Variants in MBOAT1 observed in about 807,000 individuals in gnomAD.
The protein encoded by MBOAT1 is membrane-bound glycerophospholipid O-acyltransferase 1.
A neutral mutation model predicts 64.4 loss-of-function variants in MBOAT1; 67 were observed. That is an observed-to-expected ratio of 1.04 (90% confidence interval 0.85 to 1.27). The LOEUF (loss-of-function observed/expected upper bound fraction) is 1.27. MBOAT1 is among the 50% of genes most tolerant of loss of function. MBOAT1 has a pLI of 0.00. For missense variants in MBOAT1, 563 were observed against 604.6 expected (o/e 0.93, Z 0.72); for synonymous variants, 229 against 218.9 (o/e 1.05, Z -0.41).
chr6:20,125,391 C>T (rs920746599), intron 7 of MBOAT1, among the ~76,000 whole-genome samples: 2 of 152,216 alleles, frequency 1.3e-5, no homozygotes, highest in Non-Finnish European at 2.9e-5. Flanking sequence ...GTGCTTAGCA[C>T]GCTCAGCCAC....
rs200376274 is a variant in MBOAT1, at chr6:20,157,739, TA to T, written c.100-4971del. Among the ~76,000 whole-genome samples the T allele has an allele frequency of 5.2e-3, 738 of 142,534 alleles. 2 individuals are homozygous for T. Among genetic ancestry groups the T allele is most frequent in the Non-Finnish European group, 6.7e-3 (438 of 64,898 alleles). 93.5% of individuals were successfully genotyped at this position (142,534 alleles called of 152,430 possible). On this transcript the variant is annotated intron_variant, in intron 1 of 12. Transcript: ENST00000324607. Reference sequence around the variant, plus strand: ...GGCATAAATGGAAGACGTTAAACTGTAAAAAAAAAAACTCATCTTAAAGAAA... The same window carrying T: ...GGCATAAATGGAAGACGTTAAACTGTAAAAAAAAAACTCATCTTAAAGAAA...
chr6:20,168,175 T>C (rs997251576), intron 1 of MBOAT1, among the ~76,000 whole-genome samples: 85 of 152,218 alleles, frequency 5.6e-4, no homozygotes, highest in African/African-American at 2.0e-3. Flanking sequence ...TTTTTTAATC[T>C]CTTCATTATT....
chr6:20,123,879 AC>A (rs972655199), intron 8 of MBOAT1, among the ~76,000 whole-genome samples: 2 of 151,896 alleles, frequency 1.3e-5, no homozygotes, highest in Non-Finnish European at 2.9e-5. Context: ...ACACTGTGAA[AC>A]CCCATCTCTA....
chr6:20,139,565 T>TC (rs1761106301), intron 4 of MBOAT1, among the ~76,000 whole-genome samples: 1 of 141,930 alleles, frequency 7.0e-6, no homozygotes, highest in African/African-American at 2.7e-5. Flanking sequence ...TTTTTTTTTT[T>TC]TTTTTTTGAG....
chr6:20,211,722 C>G (rs546317248), intron 1 of MBOAT1, among the ~76,000 whole-genome samples: 4 of 152,072 alleles, frequency 2.6e-5, no homozygotes, highest in Admixed American at 1.3e-4. Context: ...TATAGACTAC[C>G]GTCTACAGAT....
intron 4 of MBOAT1, among the ~76,000 whole-genome samples, chr6:20,139,818 G>C (rs1052762412): frequency 6.6e-6 from 1 of 152,080 alleles, no homozygotes; most frequent in African/African-American, 2.4e-5. Context: ...GCCTCCCAAA[G>C]TGCTGAGATT....
intron 4 of MBOAT1, among the ~76,000 whole-genome samples, chr6:20,135,207 A>AT (rs1034992450): frequency 6.6e-6 from 1 of 151,986 alleles, no homozygotes; most frequent in Non-Finnish European, 1.5e-5. Flanking sequence ...TGTCCTATAC[A>AT]TTTTTTTCAT....
rs376782658 is a variant in MBOAT1, at chr6:20,131,968, G to A, written c.420-769C>T. ...CATAAACATGGCTCACTGTGGCCTC[G>A]ACCTCCTGGGCTCAAGCAATCCTCT... is the stretch of plus-strand genomic sequence containing the variant. On this transcript the variant is annotated intron_variant, in intron 4 of 12. Coordinates refer to ENST00000324607, the MANE Select transcript of MBOAT1 (RefSeq NM_001080480.3). Among the ~76,000 whole-genome samples, 18 of 152,074 alleles carry A rather than the reference G, an allele frequency of 1.2e-4. No homozygotes were observed. In the East Asian group the frequency reaches 1.9e-3, roughly 16 times the overall value.
intron 9 of MBOAT1, among the ~76,000 whole-genome samples, chr6:20,116,553 T>A (rs1465817357): frequency 6.6e-6 from 1 of 152,102 alleles, no homozygotes; most frequent in East Asian, 1.9e-4. Context: ...GATAGATAGA[T>A]GTAAAATAGA....
chr6:20,145,627 C>T (rs116545813), intron 3 of MBOAT1, among the ~76,000 whole-genome samples: 3,849 of 152,314 alleles, frequency 0.025, 151 homozygotes, highest in African/African-American at 0.084. Context: ...GTGCTTCACA[C>T]GCTAAGCTCT....
chr6:20,172,643 T>C (rs1036441913), intron 1 of MBOAT1, among the ~76,000 whole-genome samples: 35 of 151,934 alleles, frequency 2.3e-4, no homozygotes, highest in Non-Finnish European at 3.5e-4. Context: ...GGTTTTTTTT[T>C]CCAAAAAAGA....
At chr6:20,202,488 A>G (rs1230700147) in intron 1 of MBOAT1, among the ~76,000 whole-genome samples, 1 of 152,202 alleles carries the variant, frequency 6.6e-6, no homozygotes, top group South Asian at 2.1e-4. Context: ...TTTCAAAACC[A>G]TCTCTCAAAT....
At chr6:20,204,596 A>G (rs1159929899) in intron 1 of MBOAT1, among the ~76,000 whole-genome samples, 1 of 152,180 alleles carries the variant, frequency 6.6e-6, no homozygotes, top group Non-Finnish European at 1.5e-5. Flanking sequence ...AGGGAAGACG[A>G]GGAGAGGATT....
intron 12 of MBOAT1, among the ~76,000 whole-genome samples, chr6:20,107,668 A>G (rs1419149789): frequency 6.6e-6 from 1 of 152,192 alleles, no homozygotes; most frequent in Non-Finnish European, 1.5e-5. Flanking sequence ...CACAATGCCT[A>G]GCACACTACA....
At chr6:20,161,139 A>G (rs1761844439) in intron 1 of MBOAT1, among the ~76,000 whole-genome samples, 1 of 152,078 alleles carries the variant, frequency 6.6e-6, no homozygotes, top group Non-Finnish European at 1.5e-5. Context: ...ACCTCCTGTC[A>G]GATCAGCAGC....
Position 20,144,231 on chromosome 6 carries a change from C to A in MBOAT1, c.408G>T (p.Thr136=). The change falls in exon 4 of 13, where the codon ACG becomes ACT. Residue 136 remains threonine, a synonymous_variant. Coordinates refer to ENST00000324607, the MANE Select transcript of MBOAT1 (RefSeq NM_001080480.3). Reference sequence around the variant, plus strand: ...TGTAAGATACTTACCCAGAAAAATCCGTAGTGAGAATTCCATAGTGGAAGA... The same window carrying A: ...TGTAAGATACTTACCCAGAAAAATCAGTAGTGAGAATTCCATAGTGGAAGA... ...IYIFHYGILT[T]DFSGPLMIVT... 6.2e-7 allele frequency: 1 copy of A among 1,608,638 alleles called. No individual in the cohort carries two copies. The highest frequency in any genetic ancestry group is 1.1e-5 in the South Asian group (1 of 90,694).
chr6:20,187,633 A>T (rs935597604), intron 1 of MBOAT1, among the ~76,000 whole-genome samples: 1 of 152,260 alleles, frequency 6.6e-6, no homozygotes, highest in Non-Finnish European at 1.5e-5. Flanking sequence ...TCACATCACT[A>T]AGTGGTAGAC....
Position 20,142,260 on chromosome 6 carries a change from A to AT in MBOAT1, c.419+1959dup, listed in dbSNP as rs371574443. 3.3e-3 allele frequency among the ~76,000 whole-genome samples: 507 copies of AT among 152,292 alleles called. 1 individual carries two copies. Among genetic ancestry groups the AT allele is most frequent in the African/African-American group, 0.012 (480 of 41,556 alleles). On this transcript the variant is annotated intron_variant, in intron 4 of 12. Transcript: ENST00000324607. ...TAATGCATTCATTTCTTGACCACCT[A>AT]TTAAGTGTCAAGAACTCTTCTAAGT... is the stretch of plus-strand genomic sequence containing the variant.
intron 8 of MBOAT1, among the ~76,000 whole-genome samples, chr6:20,123,926 C>T (rs1277659105): frequency 5.3e-5 from 8 of 152,172 alleles, no homozygotes; most frequent in African/African-American, 1.4e-4. Context: ...GGTGTGGTGG[C>T]GGACGCCTGT....
Sources: gnomAD v4.1 joint callset for allele counts (sites outside exome capture counted in the v4.1 genomes callset) on GRCh38, gnomAD v4.1.1 for gene constraint, MANE v1.5 for transcripts, NCBI Gene and HGNC (gene_info 2026-07-23, HGNC 2026-07-21) for gene names.